CSMD1: variants seen among roughly 807,000 people sequenced by gnomAD.
CSMD1 encodes CUB and Sushi multiple domains 1, also known as CUB and sushi domain-containing protein 1.
Under a neutral mutation model 417.5 loss-of-function variants are expected in CSMD1, and 213 were observed. That is an observed-to-expected ratio of 0.51 (90% CI 0.46 to 0.57). CSMD1 has a LOEUF of 0.57. CSMD1 is among the 20% of genes least tolerant of loss of function. The pLI, the probability that CSMD1 is intolerant of heterozygous loss-of-function variation, is 0.00. For missense variants in CSMD1, 6,923 were observed against 4,529.7 expected, an observed-to-expected ratio of 1.53 and a Z score of -15.17; for synonymous variants, 2,862 against 1,736.8, an observed-to-expected ratio of 1.65 and a Z score of -16.11.
At chr8:4,503,966 A>G (rs896401528) in intron 2 of CSMD1, among the ~76,000 whole-genome samples, 1 of 145,488 alleles carries the variant, frequency 6.9e-6, no homozygotes, top group Non-Finnish European at 1.5e-5. Context: ...CTACTTGCAT[A>G]TTCAAAAAAA....
chr8:3,554,037 A>G (rs1329588239), intron 10 of CSMD1, among the ~76,000 whole-genome samples: 2 of 152,188 alleles, frequency 1.3e-5, no homozygotes, highest in Non-Finnish European at 2.9e-5. Context: ...AGTAAACATT[A>G]TAGTTTTGAA....
chr8:3,363,237 C>G (rs12680963), intron 20 of CSMD1, among the ~76,000 whole-genome samples: 14 of 151,926 alleles, frequency 9.2e-5, no homozygotes, highest in Non-Finnish European at 2.1e-4. Flanking sequence ...AAAGAATGAG[C>G]GTACTCTCCT....
intron 25 of CSMD1, among the ~76,000 whole-genome samples, chr8:3,302,179 G>A (rs1261099508): frequency 6.6e-6 from 1 of 152,122 alleles, no homozygotes; most frequent in Non-Finnish European, 1.5e-5. Flanking sequence ...GTGAGGAGTT[G>A]GGAACACGTG....
At chr8:4,805,302 G>A (rs939378149) in intron 1 of CSMD1, among the ~76,000 whole-genome samples, 12 of 152,272 alleles carry the variant, frequency 7.9e-5, no homozygotes, top group African/African-American at 2.9e-4. Flanking sequence ...TATGCAATAT[G>A]CTTCATGTTA....
chr8:3,431,039 T>C (rs1238244091), intron 12 of CSMD1, among the ~76,000 whole-genome samples: 1 of 152,198 alleles, frequency 6.6e-6, no homozygotes, highest in Non-Finnish European at 1.5e-5. Flanking sequence ...TCAGGAACCC[T>C]GCTAGTAATG....
intron 3 of CSMD1, among the ~76,000 whole-genome samples, chr8:4,250,825 TG>T (rs1290419653): frequency 6.6e-6 from 1 of 152,202 alleles, no homozygotes; most frequent in Non-Finnish European, 1.5e-5. Flanking sequence ...CTGGTTGAAA[TG>T]TTTTTTAGAA....
Position 4,657,051 on chromosome 8 carries a change from G to A in CSMD1, c.86-19493C>T, listed in dbSNP as rs187588849. Reference sequence around the variant, plus strand: ...AGGACACGCAAAAGATCACAATGGAGGCAAATAACACAGTGCCCAAAGCTG... The same window carrying A: ...AGGACACGCAAAAGATCACAATGGAAGCAAATAACACAGTGCCCAAAGCTG... On this transcript the variant is annotated intron_variant, in intron 1 of 69. Transcript: ENST00000635120. Among the ~76,000 whole-genome samples the A allele has an allele frequency of 2.1e-3, 316 of 152,200 alleles. 4 individuals carry two copies. The highest frequency in any genetic ancestry group is 7.4e-3 in the African/African-American group (307 of 41,522).
intron 1 of CSMD1, among the ~76,000 whole-genome samples, chr8:4,915,449 T>C (rs767150544): frequency 1.3e-5 from 2 of 152,212 alleles, no homozygotes; most frequent in South Asian, 2.1e-4. Context: ...AAACCACATA[T>C]CTGCGTACAA....
chr8:4,933,122 T>C (rs1807356380), intron 1 of CSMD1, among the ~76,000 whole-genome samples: 1 of 152,210 alleles, frequency 6.6e-6, no homozygotes, highest in Non-Finnish European at 1.5e-5. Context: ...TGTATGGATA[T>C]GTTCTCTATC....
intron 3 of CSMD1, among the ~76,000 whole-genome samples, chr8:4,076,485 A>C (rs1400422563): frequency 6.6e-6 from 1 of 152,206 alleles, no homozygotes; most frequent in Non-Finnish European, 1.5e-5. Context: ...GATGTTTTTG[A>C]ATTCATTACT....
intron 3 of CSMD1, among the ~76,000 whole-genome samples, chr8:4,263,558 A>T (rs138490187): frequency 2.0e-5 from 3 of 152,136 alleles, no homozygotes; most frequent in Admixed American, 6.6e-5. Flanking sequence ...TCTTTCTTGG[A>T]AAGTCATAAT....
chr8:4,125,422 A>G (rs529628105), intron 3 of CSMD1, among the ~76,000 whole-genome samples: 16 of 152,310 alleles, frequency 1.1e-4, no homozygotes, highest in African/African-American at 3.1e-4. Context: ...ACCAATGCAC[A>G]TCTTTCATCT....
chr8:3,332,537 G>A (rs542901197), intron 23 of CSMD1, among the ~76,000 whole-genome samples: 4 of 152,200 alleles, frequency 2.6e-5, no homozygotes, highest in African/African-American at 7.2e-5. Flanking sequence ...GCTGAAACCT[G>A]TTTTATTTGC....
chr8:4,126,805 C>T (rs142870516), intron 3 of CSMD1, among the ~76,000 whole-genome samples: 3 of 152,126 alleles, frequency 2.0e-5, no homozygotes, highest in African/African-American at 7.2e-5. Flanking sequence ...GGAGATGTGT[C>T]CTAACCTGGG....
At position 3,163,362 on chromosome 8, in the gene CSMD1, C is replaced by G. The variant is rs150277254; in HGVS notation, c.5726-1085G>C. On this transcript the variant is annotated intron_variant, in intron 37 of 69. Transcript: ENST00000635120. ...AGATTACTTAATTGACTGGGACTCT[C>G]AGAAAGGAAGCTGGGGTGGAGGAGG... Among the ~76,000 whole-genome samples, 614 of 150,908 alleles carry G rather than the reference C, an allele frequency of 4.1e-3. 4 individuals are homozygous for G. The highest frequency in any genetic ancestry group is 0.014 in the African/African-American group (577 of 41,048).
intron 5 of CSMD1, among the ~76,000 whole-genome samples, chr8:3,951,697 T>C (rs991978518): frequency 2.6e-5 from 4 of 152,154 alleles, no homozygotes; most frequent in African/African-American, 9.7e-5. Context: ...TTAGTTCTAA[T>C]TTAAAATGAG....
intron 3 of CSMD1, among the ~76,000 whole-genome samples, chr8:4,054,505 C>T (rs373475011): frequency 3.3e-5 from 5 of 152,084 alleles, no homozygotes; most frequent in Admixed American, 6.6e-5. Flanking sequence ...ATGTCGGTTT[C>T]GTCTACACCC....
chr8:3,504,121 T>A (rs1343098511), intron 10 of CSMD1, among the ~76,000 whole-genome samples: 1 of 152,138 alleles, frequency 6.6e-6, no homozygotes, highest in Non-Finnish European at 1.5e-5. Flanking sequence ...AAAGAAATGA[T>A]GAATGTTTGA....
At chr8:3,709,152 C>CTTTTT (rs1801347556) in intron 6 of CSMD1, among the ~76,000 whole-genome samples, 1 of 30,658 alleles carries the variant, frequency 3.3e-5, no homozygotes, top group African/African-American at 7.0e-5. Context: ...TAAGAAGTTT[C>CTTTTT]ATTTTTTTTT....
Sources: allele counts gnomAD v4.1 joint callset (sites outside exome capture counted in the v4.1 genomes callset), GRCh38; gene constraint gnomAD v4.1.1; transcripts MANE v1.5; gene names NCBI Gene and HGNC (gene_info 2026-07-23, HGNC 2026-07-21).